The following HPSE2 variants were observed in gnomAD, a reference collection of about 807,000 sequenced individuals.
HPSE2 encodes heparanase 2 (inactive), also known as inactive heparanase-2.
In HPSE2, 38 loss-of-function variants were observed where a neutral mutation model predicts 60.5. The ratio of observed to expected loss-of-function variants is 0.63; its 90% CI spans 0.48 to 0.82. HPSE2 has a LOEUF of 0.82. Ranked by LOEUF, HPSE2 falls within the 40% of genes least tolerant of loss-of-function variation. The probability of loss-of-function intolerance (pLI) is 0.00; values close to 1 mark genes in which losing one functional copy is unlikely to be tolerated. For synonymous variants in HPSE2, 295 were observed against 293.2 expected (o/e 1.01, Z -0.06); for missense variants, 713 against 740.4 (o/e 0.96, Z 0.43).
chr10:99,079,229 T>C (rs980267695), intron 3 of HPSE2, among the ~76,000 whole-genome samples: 1 of 151,050 alleles, frequency 6.6e-6, no homozygotes, highest in Non-Finnish European at 1.5e-5. Context: ...CACAGAGAAG[T>C]TGGGGCATTG....
chr10:98,525,790 A>G (rs1308520773), intron 9 of HPSE2, among the ~76,000 whole-genome samples: 1 of 152,220 alleles, frequency 6.6e-6, no homozygotes, highest in East Asian at 1.9e-4. Flanking sequence ...AGACTCTTCA[A>G]TATTTTACCT....
intron 3 of HPSE2, among the ~76,000 whole-genome samples, chr10:99,096,828 G>T (rs1188097014): frequency 6.6e-6 from 1 of 152,108 alleles, no homozygotes; most frequent in Non-Finnish European, 1.5e-5. Flanking sequence ...GACTTTCTAT[G>T]TTCAGGAGCA....
In HPSE2 at chr10:99,145,665, A is replaced by G. The variant is rs1846027882; in HGVS notation, c.449-1266T>C. On this transcript the variant is annotated intron_variant, in intron 2 of 11. Coordinates refer to ENST00000370552, the MANE Select transcript of HPSE2 (RefSeq NM_021828.5). Reference sequence around the variant, plus strand: ...CTGAAGAATTTTAATAGAAGGCGCTAAAAAATAACTGCTTTGCCACTTTTG... The same window carrying G: ...CTGAAGAATTTTAATAGAAGGCGCTGAAAAATAACTGCTTTGCCACTTTTG... Among the ~76,000 whole-genome samples, 4 of 152,188 alleles carry G rather than the reference A, an allele frequency of 2.6e-5. No homozygotes were observed. The South Asian group carries it at 8.3e-4, about 32-fold the overall frequency.
chr10:99,127,146 G>T (rs957534943), intron 3 of HPSE2, among the ~76,000 whole-genome samples: 1 of 152,058 alleles, frequency 6.6e-6, no homozygotes, highest in Non-Finnish European at 1.5e-5. Flanking sequence ...AAACCAAGAA[G>T]AATTCTGAAT....
chr10:98,502,534 T>C (rs1411376093), intron 9 of HPSE2, among the ~76,000 whole-genome samples: 2 of 152,206 alleles, frequency 1.3e-5, no homozygotes, highest in African/African-American at 4.8e-5. Flanking sequence ...TCTCTCACCT[T>C]ATACAAAAAT....
chr10:99,139,651 T>C (rs1193024221), intron 3 of HPSE2, among the ~76,000 whole-genome samples: 2 of 152,146 alleles, frequency 1.3e-5, no homozygotes, highest in Admixed American at 1.3e-4. Flanking sequence ...TCTTTCACCA[T>C]TGCAGGGGCT....
At chr10:98,736,344 G>C (rs1186223443) in intron 4 of HPSE2, among the ~76,000 whole-genome samples, 4 of 151,854 alleles carry the variant, frequency 2.6e-5, no homozygotes, top group Non-Finnish European at 5.9e-5. Flanking sequence ...AAATTACCTA[G>C]TCTCGAGTAT....
intron 9 of HPSE2, among the ~76,000 whole-genome samples, chr10:98,542,023 GGGTCCCT>G (rs1406389847): frequency 1.9e-5 from 1 of 51,514 alleles, no homozygotes; most frequent in African/African-American, 4.3e-5. Flanking sequence ...CTCCTCAAGT[GGGTCCCT>G]GACCCCTGAC....
intron 3 of HPSE2, among the ~76,000 whole-genome samples, chr10:98,985,941 A>C (rs576891287): frequency 6.6e-6 from 1 of 152,212 alleles, no homozygotes; most frequent in Non-Finnish European, 1.5e-5. Context: ...AGAAGAGCTA[A>C]CTATCCTAAA....
At chr10:98,907,408 G>A (rs974925753) in intron 3 of HPSE2, among the ~76,000 whole-genome samples, 1 of 152,190 alleles carries the variant, frequency 6.6e-6, no homozygotes, top group Non-Finnish European at 1.5e-5. Flanking sequence ...GGCTGAAGCA[G>A]GAGGATTGCT....
At chr10:98,552,387 T>C (rs1265759136) in intron 9 of HPSE2, among the ~76,000 whole-genome samples, 4 of 152,086 alleles carry the variant, frequency 2.6e-5, no homozygotes, top group Admixed American at 2.0e-4. Flanking sequence ...CTTAGAACTG[T>C]GCCTGGCACA....
intron 7 of HPSE2, among the ~76,000 whole-genome samples, chr10:98,623,826 C>T (rs1019920450): frequency 1.3e-5 from 2 of 150,600 alleles, no homozygotes; most frequent in African/African-American, 5.0e-5. Context: ...AAATTTAAAA[C>T]AACAAGTATG....
chr10:99,072,025 G>T (rs1252845222), intron 3 of HPSE2, among the ~76,000 whole-genome samples: 8 of 145,762 alleles, frequency 5.5e-5, no homozygotes, highest in South Asian at 2.1e-4. Context: ...AACTTTGTTT[G>T]TTTTTTTTTT....
At chr10:99,275,635 GC>G in the HPSE2 span, among the ~76,000 whole-genome samples, 2 of 152,022 alleles carry the variant, frequency 1.3e-5, no homozygotes, top group African/African-American at 4.8e-5. Context: ...CCATTTTACG[GC>G]ATTCTTCTAA....
chr10:99,162,930 C>T (rs1343960264), intron 2 of HPSE2, among the ~76,000 whole-genome samples: 1 of 152,176 alleles, frequency 6.6e-6, no homozygotes, highest in Non-Finnish European at 1.5e-5. Flanking sequence ...GGCTTCATGG[C>T]CAGGCGCGGT....
chr10:98,528,775 T>C (rs1435391698), intron 9 of HPSE2, among the ~76,000 whole-genome samples: 1 of 152,170 alleles, frequency 6.6e-6, no homozygotes, highest in African/African-American at 2.4e-5. Flanking sequence ...AGCCAAGTGA[T>C]TGGGAAGCAG....
At chr10:98,482,573 A>C (rs1941281672) in intron 11 of HPSE2, 63 bp downstream of exon 11, 4 of 1,604,428 alleles carry the variant, frequency 2.5e-6, no homozygotes, top group Non-Finnish European at 3.4e-6. Flanking sequence ...TGGTGTCTTC[A>C]GCCTCCCCCT....
chr10:99,139,073 G>A (rs2135762353), intron 3 of HPSE2, among the ~76,000 whole-genome samples: 1 of 152,126 alleles, frequency 6.6e-6, no homozygotes, highest in East Asian at 1.9e-4. Flanking sequence ...AAAGAAAATG[G>A]GACATATATA....
At chr10:98,721,973 A>G in intron 4 of HPSE2, 145 bp from the exon 5 acceptor site, 1 of 743,098 alleles carries the variant, frequency 1.3e-6, no homozygotes, top group Non-Finnish European at 2.2e-6. Flanking sequence ...TTTAACTTAA[A>G]GAACCACCCA....
Sources: allele counts gnomAD v4.1 joint callset (sites outside exome capture counted in the v4.1 genomes callset), GRCh38; gene constraint gnomAD v4.1.1; transcripts MANE v1.5; gene names NCBI Gene and HGNC (gene_info 2026-07-23, HGNC 2026-07-21).